Variants in XKR6 observed in about 807,000 individuals in gnomAD.
XKR6 encodes the protein XK-related protein 6.
XKR6 carries 22 observed loss-of-function variants against 56.7 expected under a neutral mutation model. The observed-to-expected ratio is 0.39, with a 90% confidence interval of 0.28 to 0.55. XKR6 has a LOEUF of 0.55. Ranked by LOEUF, XKR6 falls within the 20% of genes least tolerant of loss-of-function variation. The pLI is 0.66. For synonymous variants in XKR6, 524 were observed against 387.8 expected (o/e 1.35, Z -4.13); for missense variants, 852 against 889.0 (o/e 0.96, Z 0.53).
At position 11,035,772 on chromosome 8, in the gene XKR6, T is replaced by C. The variant is rs750350848; in HGVS notation, c.765-110942A>G. Among the ~76,000 whole-genome samples the C allele has an allele frequency of 5.9e-5, 9 of 152,118 alleles. 1 individual carries two copies. The South Asian group carries it at 1.7e-3, about 28-fold the overall frequency. Reference sequence around the variant, plus strand: ...GAAGGAGATTAGTGAGTTGATGTGATAGATGGGGAAACTGAGGAGAGGGAG... The same window carrying C: ...GAAGGAGATTAGTGAGTTGATGTGACAGATGGGGAAACTGAGGAGAGGGAG... On this transcript the variant is annotated intron_variant, in intron 1 of 2. Coordinates refer to ENST00000416569, the MANE Select transcript of XKR6 (RefSeq NM_173683.4).
chr8:10,950,246 G>C (rs569428056), intron 1 of XKR6, among the ~76,000 whole-genome samples: 301 of 152,290 alleles, frequency 2.0e-3, no homozygotes, highest in Non-Finnish European at 3.8e-3. Context: ...ATAGTGCAGG[G>C]GGCTCCTCTG....
chr8:10,988,020 C>T (rs1442119313), intron 1 of XKR6, among the ~76,000 whole-genome samples: 1 of 152,158 alleles, frequency 6.6e-6, no homozygotes, highest in Non-Finnish European at 1.5e-5. Flanking sequence ...CCCTTGTTTT[C>T]CACTGAAAAA....
chr8:11,103,976 A>C (rs1004096787), intron 1 of XKR6, among the ~76,000 whole-genome samples: 12 of 152,226 alleles, frequency 7.9e-5, no homozygotes, highest in Admixed American at 4.6e-4. Flanking sequence ...GGAGATGCGG[A>C]GTAATACTGC....
At position 10,974,424 on chromosome 8, in the gene XKR6, G is replaced by A. The variant is rs143871792; in HGVS notation, c.765-49594C>T. Among the ~76,000 whole-genome samples the A allele has an allele frequency of 3.3e-3, 506 of 152,236 alleles. 2 individuals carry two copies. The highest frequency in any genetic ancestry group is 0.011 in the African/African-American group (476 of 41,528). ...GAGGGCAACAGAGTTGAAACCACCC[G>A]CTCAGAGGGAGGCAGATGCTCCCCA... On this transcript the variant is annotated intron_variant, in intron 1 of 2. Coordinates refer to ENST00000416569, the MANE Select transcript of XKR6 (RefSeq NM_173683.4).
chr8:11,013,473 G>A (rs1798545561), intron 1 of XKR6, among the ~76,000 whole-genome samples: 1 of 152,178 alleles, frequency 6.6e-6, no homozygotes, highest in South Asian at 2.1e-4. Flanking sequence ...TGCCTCTAGG[G>A]ACTCTGTCTG....
At chr8:11,002,811 C>A (rs1224276963) in intron 1 of XKR6, among the ~76,000 whole-genome samples, 1 of 152,240 alleles carries the variant, frequency 6.6e-6, no homozygotes, top group Non-Finnish European at 1.5e-5. Context: ...TAAACACAGT[C>A]TCCCTCCTCA....
In XKR6 at chr8:11,062,690, T is replaced by TA. The variant is rs774329564; in HGVS notation, c.765-137861dup. 9.3e-5 allele frequency: 42 copies of TA among 453,728 alleles called. No individual in the cohort carries two copies. In the Middle Eastern group the frequency reaches 1.6e-3, roughly 18 times the overall value. 28.1% of individuals were successfully genotyped at this position (453,728 alleles called of 1,614,324 possible). A position where few individuals can be genotyped will look rare whatever the true frequency, so the allele number is the denominator to read the frequency against. On this transcript the variant is annotated intron_variant, in intron 1 of 2. Coordinates refer to ENST00000416569, the MANE Select transcript of XKR6 (RefSeq NM_173683.4). ...TCTTTAATGTGATCTGGTTTTTAGT[T>TA]AGAGTTTCATCTATTTTATGGAACA...
At chr8:11,048,180 A>T (rs1383628124) in intron 1 of XKR6, among the ~76,000 whole-genome samples, 6 of 152,188 alleles carry the variant, frequency 3.9e-5, no homozygotes, top group Non-Finnish European at 8.8e-5. Context: ...GGGGAAGCCT[A>T]GCGCCTAGAC....
intron 1 of XKR6, among the ~76,000 whole-genome samples, chr8:11,184,160 T>C (rs189427207): frequency 1.4e-4 from 22 of 152,326 alleles, no homozygotes; most frequent in African/African-American, 4.6e-4. Context: ...AGTATAGTTT[T>C]ATTCTAATTA....
intron 1 of XKR6, among the ~76,000 whole-genome samples, chr8:11,051,812 T>C (rs1031291043): frequency 6.6e-6 from 1 of 152,082 alleles, no homozygotes; most frequent in African/African-American, 2.4e-5. Context: ...TTTTTCTGTG[T>C]TTCTTCTAAA....
intron 1 of XKR6, among the ~76,000 whole-genome samples, chr8:11,121,005 T>C (rs2129183491): frequency 6.6e-6 from 1 of 152,256 alleles, no homozygotes; most frequent in South Asian, 2.1e-4. Context: ...TGAAACTGGA[T>C]CCCTTCCTTA....
chr8:11,049,548 T>A (rs1470741696), intron 1 of XKR6, among the ~76,000 whole-genome samples: 1 of 151,992 alleles, frequency 6.6e-6, no homozygotes, highest in East Asian at 1.9e-4. Context: ...CTAAGAGGGA[T>A]TTTTTACTGG....
intron 1 of XKR6, among the ~76,000 whole-genome samples, chr8:11,124,974 A>C (rs1563155243): frequency 6.6e-6 from 1 of 151,092 alleles, no homozygotes; most frequent in Non-Finnish European, 1.5e-5. Flanking sequence ...CTGTAGTCCC[A>C]GCTACTCGGG....
intron 2 of XKR6, among the ~76,000 whole-genome samples, chr8:10,921,673 C>T (rs913360829): frequency 6.6e-6 from 1 of 152,130 alleles, no homozygotes; most frequent in South Asian, 2.1e-4. Flanking sequence ...ATTTCAAATG[C>T]CCCATCAGGA....
chr8:11,168,812 T>C (rs1263568581), intron 1 of XKR6, among the ~76,000 whole-genome samples: 1 of 152,146 alleles, frequency 6.6e-6, no homozygotes, highest in Admixed American at 6.5e-5. Context: ...TCCAGCCCAC[T>C]CAGATACAGG....
intron 1 of XKR6, among the ~76,000 whole-genome samples, chr8:11,196,022 C>T (rs926482869): frequency 6.6e-6 from 1 of 151,390 alleles, no homozygotes; most frequent in Non-Finnish European, 1.5e-5. Context: ...ATAAAGTACA[C>T]TCTCTCTCTA....
chr8:11,096,490 T>G (rs547610971), intron 1 of XKR6, among the ~76,000 whole-genome samples: 1 of 152,364 alleles, frequency 6.6e-6, no homozygotes, highest in South Asian at 2.1e-4. Flanking sequence ...CAAAACACCA[T>G]TAGAATACTG....
intron 1 of XKR6, among the ~76,000 whole-genome samples, chr8:10,997,145 A>G (rs1798131705): frequency 1.3e-5 from 2 of 151,972 alleles, no homozygotes; most frequent in Non-Finnish European, 1.5e-5. Context: ...CATCAGTACA[A>G]CCTTCGTAGC....
intron 1 of XKR6, among the ~76,000 whole-genome samples, chr8:11,183,383 G>T (rs1385675719): frequency 6.6e-6 from 1 of 152,026 alleles, no homozygotes. Flanking sequence ...GTCTTGTGTA[G>T]CTCACTGCAG....
Sources: allele counts gnomAD v4.1 joint callset (sites outside exome capture counted in the v4.1 genomes callset), GRCh38; gene constraint gnomAD v4.1.1; transcripts MANE v1.5; gene names NCBI Gene and HGNC (gene_info 2026-07-23, HGNC 2026-07-21).